The following RANBP2 variants were observed in gnomAD, a reference collection of about 807,000 sequenced individuals.
RANBP2 encodes RAN binding protein 2.
A neutral mutation model predicts 303.6 loss-of-function variants in RANBP2; 57 were observed. The observed-to-expected ratio is 0.19, with a 90% CI of 0.15 to 0.23. The LOEUF (loss-of-function observed/expected upper bound fraction) is 0.23, where lower values mean the gene tolerates loss of function less well. Among genes scored for constraint, RANBP2 ranks in the 10% least tolerant of loss-of-function variants. RANBP2 has a pLI of 1.00. For missense variants in RANBP2, 3,138 were observed against 3,780.8 expected, an observed-to-expected ratio of 0.83 and a Z score of 4.46; for synonymous variants, 1,167 against 1,301.5, an observed-to-expected ratio of 0.90 and a Z score of 2.23.
chr2:109,701,805 T>A, the RANBP2 span, among the ~76,000 whole-genome samples: 6 of 152,308 alleles, frequency 3.9e-5, no homozygotes, highest in Middle Eastern at 3.4e-3. Flanking sequence ...CTTAGTGACT[T>A]TGGGGTCCTG....
chr2:109,347,848 T>TGCATCCAGC, the RANBP2 span: 1 of 1,613,826 alleles, frequency 6.2e-7, no homozygotes, highest in Non-Finnish European at 8.5e-7. Flanking sequence ...CTATATCCAG[T>TGCATCCAGC]GCATCCAGCC....
chr2:109,574,772 A>G, the RANBP2 span: 2 of 1,560,916 alleles, frequency 1.3e-6, no homozygotes, highest in African/African-American at 1.4e-5. Flanking sequence ...TGGTAGCTGA[A>G]AAATTATTTA....
chr2:108,903,552 G>A, the RANBP2 span, among the ~76,000 whole-genome samples: 8 of 152,140 alleles, frequency 5.3e-5, no homozygotes, highest in Non-Finnish European at 8.8e-5. Flanking sequence ...GGACAGACAT[G>A]TAGATAAATG....
chr2:109,102,694 G>A, the RANBP2 span, among the ~76,000 whole-genome samples: 1 of 152,092 alleles, frequency 6.6e-6, no homozygotes. Flanking sequence ...CCTTGGGGGA[G>A]AGGGAGGATG....
the RANBP2 span, among the ~76,000 whole-genome samples, chr2:109,690,675 T>A: frequency 6.6e-6 from 1 of 151,118 alleles, no homozygotes; most frequent in African/African-American, 2.4e-5. Flanking sequence ...GCACAGCCAG[T>A]GAGGGACGAG....
the RANBP2 span, among the ~76,000 whole-genome samples, chr2:109,716,137 T>C: frequency 6.6e-6 from 1 of 152,150 alleles, no homozygotes; most frequent in African/African-American, 2.4e-5. Context: ...ATCCACATGT[T>C]ACAAGAGAAA....
the RANBP2 span, among the ~76,000 whole-genome samples, chr2:109,495,183 G>T: frequency 1.3e-5 from 2 of 152,238 alleles, no homozygotes; most frequent in Non-Finnish European, 2.9e-5. Context: ...TGAATTTCCA[G>T]AAGTTGCTTG....
the RANBP2 span, among the ~76,000 whole-genome samples, chr2:109,051,107 A>T: frequency 1.3e-5 from 2 of 152,172 alleles, no homozygotes; most frequent in African/African-American, 2.4e-5. Flanking sequence ...AATTTTGGAC[A>T]CCAATCGCAG....
chr2:109,562,568 G>C, the RANBP2 span, among the ~76,000 whole-genome samples: 37 of 152,212 alleles, frequency 2.4e-4, no homozygotes, highest in African/African-American at 7.9e-4. Flanking sequence ...TTCATCCCTG[G>C]AAATTCTGAC....
At chr2:109,723,139 G>A in the RANBP2 span, among the ~76,000 whole-genome samples, 1 of 151,890 alleles carries the variant, frequency 6.6e-6, no homozygotes, top group African/African-American at 2.4e-5. Flanking sequence ...TGTTATTATT[G>A]GCATTCTTTT....
the RANBP2 span, chr2:109,613,260 TTC>T: frequency 9.3e-7 from 1 of 1,076,556 alleles, no homozygotes; most frequent in Non-Finnish European, 1.2e-6. Flanking sequence ...AACAAACGCG[TTC>T]TTTTAGAGTA....
chr2:109,099,343 G>T, the RANBP2 span, among the ~76,000 whole-genome samples: 1,198 of 152,294 alleles, frequency 7.9e-3, 11 homozygotes, highest in East Asian at 0.037. Context: ...CCTGTGCTCA[G>T]TCTCTGTAAA....
At chr2:108,770,782 A>T (rs567742574) in intron 20 of RANBP2, among the ~76,000 whole-genome samples, 1 of 152,354 alleles carries the variant, frequency 6.6e-6, no homozygotes, top group South Asian at 2.1e-4. Flanking sequence ...AAAATTAATG[A>T]TATTTTACAT....
intron 7 of RANBP2, among the ~76,000 whole-genome samples, chr2:108,744,264 C>T (rs1326328782): frequency 6.6e-6 from 1 of 152,152 alleles, no homozygotes; most frequent in Non-Finnish European, 1.5e-5. Flanking sequence ...ATTAGCCACG[C>T]ATGGTGGCGG....
the RANBP2 span, chr2:108,884,897 G>T: frequency 6.6e-6 from 1 of 152,202 alleles, no homozygotes; most frequent in Non-Finnish European, 1.5e-5. Context: ...CTGCTCTGTG[G>T]CCAGGCTTTT....
the RANBP2 span, among the ~76,000 whole-genome samples, chr2:108,864,562 C>T: frequency 6.6e-6 from 1 of 151,980 alleles, no homozygotes; most frequent in Admixed American, 6.5e-5. Context: ...CTTTGGGAGG[C>T]CAAGGCGGGC....
Position 108,764,238 on chromosome 2 carries a change from A to C in RANBP2, c.3699A>C (p.Leu1233=), listed in dbSNP as rs1416354106. 1 of 1,614,098 alleles carries C rather than the reference A, an allele frequency of 6.2e-7. No individual in the cohort carries two copies. The highest frequency in any genetic ancestry group is 8.5e-7 in the Non-Finnish European group (1 of 1,179,998). ...AAACATCTGGTAAAATTCGCCTTCT[A>C]ATGAGACGAGAGCAAGTATTGAAAA... ...RHKTSGKIRL[L]MRREQVLKIC... is the part of the protein sequence containing the mutation. The change falls in exon 20 of 29, where the codon CTA becomes CTC. Residue 1233 remains leucine, a synonymous_variant. Coordinates refer to ENST00000283195, the MANE Select transcript of RANBP2 (RefSeq NM_006267.5).
At chr2:108,830,027 C>T in the RANBP2 span, among the ~76,000 whole-genome samples, 7 of 152,278 alleles carry the variant, frequency 4.6e-5, no homozygotes, top group East Asian at 7.7e-4. Flanking sequence ...GGTAAATGCT[C>T]ATCCATGGAT....
At chr2:109,633,510 C>G in the RANBP2 span, among the ~76,000 whole-genome samples, 5 of 152,082 alleles carry the variant, frequency 3.3e-5, no homozygotes, top group Non-Finnish European at 7.4e-5. Context: ...CTGAGGCGCC[C>G]AGGGAAGCAG....
Sources: gnomAD v4.1 joint callset for allele counts (sites outside exome capture counted in the v4.1 genomes callset) on GRCh38, gnomAD v4.1.1 for gene constraint, MANE v1.5 for transcripts, NCBI Gene and HGNC (gene_info 2026-07-23, HGNC 2026-07-21) for gene names.